Variants in FAM185A observed in about 807,000 individuals in gnomAD.
FAM185A encodes family with sequence similarity 185 member A.
Under a neutral mutation model 45.7 loss-of-function variants are expected in FAM185A, and 21 were observed. The ratio of observed to expected loss-of-function variants is 0.46; its 90% CI spans 0.33 to 0.66. The LOEUF (loss-of-function observed/expected upper bound fraction) is 0.66. Among genes scored for constraint, FAM185A ranks in the 30% least tolerant of loss-of-function variants. The pLI is 0.03. For missense variants in FAM185A, 305 were observed against 485.4 expected (o/e 0.63, Z 3.49); for synonymous variants, 117 against 194.0 (o/e 0.60, Z 3.30).
chr7:102,834,090 G>GGAAGGAAAGA, the FAM185A span, among the ~76,000 whole-genome samples: 69 of 70,390 alleles, frequency 9.8e-4, no homozygotes, highest in Admixed American at 2.1e-3. Flanking sequence ...GGAAAGAAAA[G>GGAAGGAAAGA]AAAGAAAGAA....
At chr7:102,850,013 A>G in the FAM185A span, among the ~76,000 whole-genome samples, 2 of 149,080 alleles carry the variant, frequency 1.3e-5, no homozygotes, top group Admixed American at 6.7e-5. Flanking sequence ...GTTTTTTTAG[A>G]AAAAAAAAAG....
At chr7:102,834,105 A>AGAAAGAAC in the FAM185A span, among the ~76,000 whole-genome samples, 2 of 110,232 alleles carry the variant, frequency 1.8e-5, no homozygotes, top group Admixed American at 8.2e-5. Context: ...AAAGAAAGAA[A>AGAAAGAAC]GAAAGAAAGA....
rs565433701 is a variant in FAM185A, at chr7:102,774,381, TAG to T, written c.835+1934_835+1935del. The stretch of plus-strand genomic sequence containing the variant: ...CTGAGCAGACATTTTCAACTGCAAA[TAG>T]AGTTTTACCTCTTTCCCTCCTATCT... On this transcript the variant is annotated intron_variant, in intron 5 of 7. Transcript: ENST00000413034. Among the ~76,000 whole-genome samples the T allele has an allele frequency of 2.0e-3, 301 of 152,128 alleles. 1 individual carries two copies. The highest frequency in any genetic ancestry group is 6.7e-3 in the African/African-American group (279 of 41,524).
At chr7:102,781,659 C>T (rs935252884) in intron 6 of FAM185A, among the ~76,000 whole-genome samples, 31 of 152,098 alleles carry the variant, frequency 2.0e-4, no homozygotes, top group Admixed American at 3.3e-4. Context: ...CCCATCTGTA[C>T]GTCACCATCA....
intron 4 of FAM185A, among the ~76,000 whole-genome samples, chr7:102,771,001 A>G (rs1746714164): frequency 6.6e-6 from 1 of 152,256 alleles, no homozygotes; most frequent in Non-Finnish European, 1.5e-5. Context: ...AATGTGGTAC[A>G]TATACACCAT....
At chr7:102,757,073 T>TCA (rs1421334473) in intron 2 of FAM185A, among the ~76,000 whole-genome samples, 12 of 149,752 alleles carry the variant, frequency 8.0e-5, no homozygotes, top group Non-Finnish European at 1.3e-4. Flanking sequence ...ATCAAGTCAC[T>TCA]CACACACACA....
intron 2 of FAM185A, among the ~76,000 whole-genome samples, chr7:102,752,632 C>T (rs562201533): frequency 6.6e-6 from 1 of 150,832 alleles, no homozygotes; most frequent in African/African-American, 2.4e-5. Context: ...CACTGTATTG[C>T]CCAGGCTGGT....
chr7:102,849,363 C>T, the FAM185A span, among the ~76,000 whole-genome samples: 1 of 152,350 alleles, frequency 6.6e-6, no homozygotes, highest in South Asian at 2.1e-4. Flanking sequence ...GACACTGACT[C>T]TGCGTGTGCT....
intron 7 of FAM185A, among the ~76,000 whole-genome samples, chr7:102,801,597 G>A (rs1796795290): frequency 6.6e-6 from 1 of 152,114 alleles, no homozygotes; most frequent in South Asian, 2.1e-4. Flanking sequence ...TATTATATCA[G>A]AAAAACTAAC....
intron 7 of FAM185A, among the ~76,000 whole-genome samples, chr7:102,796,541 C>T (rs1339033232): frequency 6.6e-6 from 1 of 152,220 alleles, no homozygotes; most frequent in Non-Finnish European, 1.5e-5. Context: ...TTAGTTCAGC[C>T]TGTACCTAGA....
chr7:102,848,719 C>A, the FAM185A span, among the ~76,000 whole-genome samples: 2 of 151,860 alleles, frequency 1.3e-5, no homozygotes, highest in East Asian at 3.9e-4. Flanking sequence ...AGAGGCCAGG[C>A]ACGGCGCCTC....
the FAM185A span, among the ~76,000 whole-genome samples, chr7:102,847,595 C>T: frequency 6.6e-6 from 1 of 151,190 alleles, no homozygotes; most frequent in Non-Finnish European, 1.5e-5. Flanking sequence ...GGTGTGATCT[C>T]GGCTCACTGC....
At chr7:102,826,107 G>T in the FAM185A span, among the ~76,000 whole-genome samples, 1 of 152,040 alleles carries the variant, frequency 6.6e-6, no homozygotes, top group Non-Finnish European at 1.5e-5. Context: ...CTTTCAGTTT[G>T]CTGAATTATA....
At chr7:102,810,340 C>T (rs1305412004), downstream of FAM185A, among the ~76,000 whole-genome samples, 1 of 151,156 alleles carries the variant, frequency 6.6e-6, no homozygotes, top group East Asian at 2.0e-4. Context: ...TCAAGCGATT[C>T]CCATGCCTCA....
intron 7 of FAM185A, among the ~76,000 whole-genome samples, chr7:102,794,388 CA>C (rs1340731607): frequency 2.6e-5 from 4 of 151,790 alleles, no homozygotes; most frequent in African/African-American, 9.7e-5. Context: ...TATATGATGG[CA>C]AAAAAATACA....
chr7:102,767,219 C>G (rs1490070313), intron 4 of FAM185A, among the ~76,000 whole-genome samples: 2 of 146,222 alleles, frequency 1.4e-5, no homozygotes, highest in Non-Finnish European at 3.0e-5. Context: ...ACTACAGTGT[C>G]TGTCCTAAGT....
intron 6 of FAM185A, among the ~76,000 whole-genome samples, chr7:102,785,932 C>A (rs902656610): frequency 6.6e-6 from 1 of 152,192 alleles, no homozygotes; most frequent in Non-Finnish European, 1.5e-5. Context: ...ATCTACTCTT[C>A]TGACAAAGGG....
the FAM185A span, chr7:102,814,403 G>A: frequency 1.3e-5 from 2 of 152,102 alleles, no homozygotes; most frequent in East Asian, 1.9e-4. Context: ...CATACACTTC[G>A]AGTTAAGTTT....
At chr7:102,832,757 G>A in the FAM185A span, 2 of 1,428,060 alleles carry the variant, frequency 1.4e-6, no homozygotes, top group Non-Finnish European at 1.9e-6. Flanking sequence ...AACATATTCT[G>A]AGTCCAGCCC....
Sources: gnomAD v4.1 joint callset for allele counts (sites outside exome capture counted in the v4.1 genomes callset) on GRCh38, gnomAD v4.1.1 for gene constraint, MANE v1.5 for transcripts, NCBI Gene and HGNC (gene_info 2026-07-23, HGNC 2026-07-21) for gene names.